TRPC1: variants seen among roughly 807,000 people sequenced by gnomAD.
The protein encoded by TRPC1 is short transient receptor potential channel 1.
A neutral mutation model predicts 88.2 loss-of-function variants in TRPC1; 42 were observed. That is an observed-to-expected ratio of 0.48 (90% CI 0.37 to 0.62). The LOEUF (loss-of-function observed/expected upper bound fraction) is 0.62. TRPC1 is among the 20% of genes least tolerant of loss of function. The pLI is 0.00. For missense variants in TRPC1, 699 were observed against 957.3 expected, an observed-to-expected ratio of 0.73 and a Z score of 3.56; for synonymous variants, 288 against 331.8, an observed-to-expected ratio of 0.87 and a Z score of 1.43.
chr3:142,724,458 C>T lies in TRPC1; in HGVS notation c.-102C>T. 1.7e-6 allele frequency: 2 copies of T among 1,204,358 alleles called. No individual in the cohort carries two copies. Among genetic ancestry groups the T allele is most frequent in the Non-Finnish European group, 2.2e-6 (2 of 902,678 alleles). The allele number at this position is 1,204,358 out of a possible 1,614,324, so 74.6% of individuals were successfully genotyped here. On this transcript the variant is annotated 5_prime_UTR_variant, in exon 1 of 13. Coordinates refer to ENST00000476941, the MANE Select transcript of TRPC1 (RefSeq NM_001251845.2). The surrounding 1 kb of genome is among the most constrained non-coding windows in gnomAD (Gnocchi z 5.6). ...AGCCGAGGCAGCAGTGGGAACGACT[C>T]ATCCTTTTTCCAGCCCTGGGGCGTG...
At chr3:142,784,562 A>G (rs942567211) in intron 6 of TRPC1, 142 bp from the exon 7 acceptor site, 2 of 678,390 alleles carry the variant, frequency 2.9e-6, no homozygotes, top group South Asian at 4.3e-5. Flanking sequence ...ATTGTTAGAA[A>G]AAGGGAAAAA....
intron 2 of TRPC1, among the ~76,000 whole-genome samples, chr3:142,738,139 A>G (rs1934209782): frequency 6.6e-6 from 1 of 152,196 alleles, no homozygotes; most frequent in South Asian, 2.1e-4. Context: ...CATTTTATAG[A>G]TTAGAAAACT....
At position 142,724,436 on chromosome 3, in the gene TRPC1, C is replaced by T; in HGVS notation, c.-124C>T. ...CCTTCGGGGCCAACGGGCCTCGAGC[C>T]GAGGCAGCAGTGGGAACGACTCATC... On this transcript the variant is annotated 5_prime_UTR_variant, in exon 1 of 13. An upstream open reading frame in the 5' UTR gains an earlier in-frame stop. Coordinates refer to ENST00000476941, the MANE Select transcript of TRPC1 (RefSeq NM_001251845.2). This position sits in a 1 kb window ranked among gnomAD's most constrained non-coding sequence, Gnocchi z 5.6. 1 of 970,658 alleles carries T rather than the reference C, an allele frequency of 1.0e-6. No individual in the cohort carries two copies. The highest frequency in any genetic ancestry group is 3.2e-5 in the East Asian group (1 of 31,422). 60.1% of individuals were successfully genotyped at this position (970,658 alleles called of 1,614,324 possible).
chr3:142,727,960 GTA>G (rs1393168163), intron 1 of TRPC1, among the ~76,000 whole-genome samples: 1 of 151,486 alleles, frequency 6.6e-6, no homozygotes, highest in Non-Finnish European at 1.5e-5. Context: ...TAAACTAAGT[GTA>G]GTTCATGTTA....
intron 1 of TRPC1, among the ~76,000 whole-genome samples, chr3:142,735,265 A>T (rs1934085216): frequency 6.6e-6 from 1 of 152,186 alleles, no homozygotes; most frequent in South Asian, 2.1e-4. Flanking sequence ...AAATTTTAAT[A>T]AATAAAATAT....
intron 2 of TRPC1, 129 bp downstream of exon 2, chr3:142,736,662 T>G: frequency 1.2e-6 from 1 of 868,722 alleles, no homozygotes; most frequent in Non-Finnish European, 1.6e-6. Context: ...TTTGTCTCTC[T>G]TACTCTCCTT....
rs1416604349 is a variant in TRPC1 at position 142,806,701 on chromosome 3, A to G, written c.*466A>G. The G allele has an allele frequency of 6.6e-6, 1 of 152,010 alleles. No homozygotes were observed. The highest frequency in any genetic ancestry group is 2.4e-5 in the African/African-American group (1 of 41,432). 9.4% of individuals were successfully genotyped at this position (152,010 alleles called of 1,614,324 possible). A position where few individuals can be genotyped will look rare whatever the true frequency, so the allele number is the denominator to read the frequency against. Reference sequence around the variant, plus strand: ...TCAGCATTTATTGTTTAGGAGTATAATTTTATTTTATCTAAAATAATAGTC... The same window carrying G: ...TCAGCATTTATTGTTTAGGAGTATAGTTTTATTTTATCTAAAATAATAGTC... On this transcript the variant is annotated 3_prime_UTR_variant, in exon 13 of 13. Transcript: ENST00000476941.
chr3:142,795,833 G>A (rs992901187), intron 9 of TRPC1, among the ~76,000 whole-genome samples: 9 of 152,012 alleles, frequency 5.9e-5, no homozygotes, highest in Non-Finnish European at 1.2e-4. Context: ...TAAATAGACA[G>A]GCATTTTTTT....
chr3:142,789,365 A>T (rs1936227498), intron 7 of TRPC1, among the ~76,000 whole-genome samples: 1 of 152,224 alleles, frequency 6.6e-6, no homozygotes, highest in Admixed American at 6.5e-5. Context: ...ATTTCATTTT[A>T]CATTTTTAGA....
At chr3:142,780,788 G>T (rs757274208) in intron 5 of TRPC1, 46 bp from the exon 6 acceptor site, 2 of 1,521,398 alleles carry the variant, frequency 1.3e-6, no homozygotes, top group Admixed American at 4.2e-5. Flanking sequence ...AGCTTAATTA[G>T]AAGATGGAAA....
chr3:142,793,082 G>A (rs1204595488), intron 9 of TRPC1, 115 bp downstream of exon 9: 2 of 916,790 alleles, frequency 2.2e-6, no homozygotes, highest in Non-Finnish European at 3.0e-6. Flanking sequence ...CTTTGCTCTT[G>A]AGAATAAGTA....
At chr3:142,765,167 CA>C (rs2108082929) in intron 4 of TRPC1, among the ~76,000 whole-genome samples, 1 of 152,018 alleles carries the variant, frequency 6.6e-6, no homozygotes, top group South Asian at 2.1e-4. Flanking sequence ...TGAAGAAAAT[CA>C]GAGACAATAC....
chr3:142,741,095 T>C (rs116075461), intron 2 of TRPC1, among the ~76,000 whole-genome samples: 48 of 151,972 alleles, frequency 3.2e-4, no homozygotes, highest in Non-Finnish European at 5.9e-4. Context: ...CTCATAAATA[T>C]GTAATAAGTA....
intron 4 of TRPC1, among the ~76,000 whole-genome samples, chr3:142,763,657 T>C (rs1312336483): frequency 6.6e-6 from 1 of 151,994 alleles, no homozygotes; most frequent in African/African-American, 2.4e-5. Context: ...ATTGGACAAT[T>C]GAGACCATTT....
At chr3:142,783,542 T>C (rs954096916) in intron 6 of TRPC1, among the ~76,000 whole-genome samples, 1 of 152,202 alleles carries the variant, frequency 6.6e-6, no homozygotes, top group Non-Finnish European at 1.5e-5. Context: ...GTGAAGAATA[T>C]TCAAGTTTTG....
chr3:142,741,784 A>C (rs530372157), intron 2 of TRPC1, among the ~76,000 whole-genome samples: 1 of 152,330 alleles, frequency 6.6e-6, no homozygotes, highest in South Asian at 2.1e-4. Flanking sequence ...TTTTAAATCC[A>C]TGGCTATTTT....
chr3:142,777,899 A>G (rs1315433015), intron 5 of TRPC1, 136 bp downstream of exon 5: 6 of 918,362 alleles, frequency 6.5e-6, no homozygotes, highest in Non-Finnish European at 9.3e-6. Context: ...TTACTTGGCA[A>G]CAGACCCCTG....
At chr3:142,733,921 G>A (rs1262151539) in intron 1 of TRPC1, among the ~76,000 whole-genome samples, 2 of 152,180 alleles carry the variant, frequency 1.3e-5, no homozygotes, top group African/African-American at 4.8e-5. Flanking sequence ...GCATTGCAGG[G>A]ATTTGAGTCT....
intron 9 of TRPC1, among the ~76,000 whole-genome samples, chr3:142,798,138 T>G (rs910553152): frequency 1.3e-5 from 2 of 152,062 alleles, no homozygotes; most frequent in Admixed American, 6.6e-5. Flanking sequence ...ATTGATTGGG[T>G]TAAAGCTGGA....
Sources: allele counts gnomAD v4.1 joint callset (sites outside exome capture counted in the v4.1 genomes callset), GRCh38; gene constraint gnomAD v4.1.1; non-coding constraint Gnocchi (gnomAD v3.1); transcripts MANE v1.5; gene names NCBI Gene and HGNC (gene_info 2026-07-23, HGNC 2026-07-21).